Variants in UGT1A8 observed in about 807,000 individuals in gnomAD.
UGT1A8 encodes UDP-glucuronosyltransferase 1A8.
Under a neutral mutation model 45.3 loss-of-function variants are expected in UGT1A8, and 39 were observed. The observed-to-expected ratio is 0.86, with a 90% CI of 0.67 to 1.12. The LOEUF (loss-of-function observed/expected upper bound fraction) is 1.12, where lower values mean the gene tolerates loss of function less well. UGT1A8 is among the 50% of genes most tolerant of loss of function. The pLI is 0.00. For missense variants in UGT1A8, 719 were observed against 664.9 expected (o/e 1.08, Z -0.90); for synonymous variants, 275 against 249.2 (o/e 1.10, Z -0.97).
intron 1 of UGT1A8, chr2:233,713,385 C>G (rs2076315367): frequency 1.2e-6 from 2 of 1,614,134 alleles, no homozygotes; most frequent in African/African-American, 1.3e-5. Context: ...TGTGGAGCTA[C>G]TGCATAATGA....
chr2:233,625,745 C>G (rs1174661194), intron 1 of UGT1A8, among the ~76,000 whole-genome samples: 1 of 151,636 alleles, frequency 6.6e-6, no homozygotes, highest in Non-Finnish European at 1.5e-5. Flanking sequence ...ATAGTGGGTA[C>G]TCATGGGCAT....
intron 1 of UGT1A8, among the ~76,000 whole-genome samples, chr2:233,643,544 CT>C (rs2073516547): frequency 1.3e-5 from 2 of 152,212 alleles, no homozygotes; most frequent in Admixed American, 1.3e-4. Flanking sequence ...CTCTATCCCC[CT>C]GCAGCAGTGT....
At chr2:233,681,168 A>G (rs2074512154) in intron 1 of UGT1A8, among the ~76,000 whole-genome samples, 1 of 151,850 alleles carries the variant, frequency 6.6e-6, no homozygotes, top group African/African-American at 2.4e-5. Context: ...GGTCAACGCT[A>G]AGACCCTTGC....
At chr2:233,693,874 G>A in intron 1 of UGT1A8, 1 of 1,614,164 alleles carries the variant, frequency 6.2e-7, no homozygotes, top group Non-Finnish European at 8.5e-7. Flanking sequence ...AGGTTGGTGG[G>A]TTTATTTCTT....
intron 1 of UGT1A8, among the ~76,000 whole-genome samples, chr2:233,724,109 G>A (rs1321159895): frequency 1.4e-4 from 16 of 113,960 alleles, no homozygotes; most frequent in East Asian, 4.5e-4. Flanking sequence ...AGGGGCGGCC[G>A]GGCAGAGGCG....
At chr2:233,677,045 A>G (rs983914682) in intron 1 of UGT1A8, among the ~76,000 whole-genome samples, 18 of 151,736 alleles carry the variant, frequency 1.2e-4, no homozygotes, top group African/African-American at 4.1e-4. Flanking sequence ...TTGCATTACC[A>G]TATGCATTTT....
At chr2:233,734,371 T>C (rs1011437447) in intron 1 of UGT1A8, among the ~76,000 whole-genome samples, 3 of 152,202 alleles carry the variant, frequency 2.0e-5, no homozygotes, top group Non-Finnish European at 4.4e-5. Flanking sequence ...GGTGGTGATA[T>C]TGCCTTTACT....
At chr2:233,660,596 C>T (rs767259942) in intron 1 of UGT1A8, among the ~76,000 whole-genome samples, 13 of 152,156 alleles carry the variant, frequency 8.5e-5, no homozygotes, top group Non-Finnish European at 1.3e-4. Context: ...CCCTTAAAGG[C>T]TCAAGGATTA....
At chr2:233,767,218 C>T (rs1699339085) in intron 2 of UGT1A8, 53 bp downstream of exon 2, 14 of 1,611,886 alleles carry the variant, frequency 8.7e-6, no homozygotes, top group East Asian at 2.2e-5. Context: ...GAGCGCTAAT[C>T]CCAGACTTCC....
At chr2:233,721,847 C>T in intron 1 of UGT1A8, 2 of 514,910 alleles carry the variant, frequency 3.9e-6, no homozygotes, top group South Asian at 2.8e-5. Context: ...TGTGTCCAGC[C>T]CCACTGCTCG....
chr2:233,724,376 G>C (rs1373227000), intron 1 of UGT1A8, among the ~76,000 whole-genome samples: 7 of 128,064 alleles, frequency 5.5e-5, no homozygotes, highest in African/African-American at 1.5e-4. Flanking sequence ...GGTGGCTGCC[G>C]GGCGGAGACG....
At chr2:233,743,234 A>C (rs17863796) in intron 1 of UGT1A8, 5,154 of 418,520 alleles carry the variant, frequency 0.012, 81 homozygotes, top group South Asian at 0.038. Flanking sequence ...ATTTATTATG[A>C]AGGACTTTAA....
chr2:233,680,398 G>A (rs2074485510), intron 1 of UGT1A8, among the ~76,000 whole-genome samples: 1 of 152,206 alleles, frequency 6.6e-6, no homozygotes. Flanking sequence ...GCAACAGGAG[G>A]TAGCAACAAA....
chr2:233,631,020 G>A (rs1386067745), intron 1 of UGT1A8, among the ~76,000 whole-genome samples: 2 of 151,908 alleles, frequency 1.3e-5, no homozygotes, highest in African/African-American at 2.4e-5. Context: ...GGTGTGTGAT[G>A]TTCCCCTCCC....
intron 1 of UGT1A8, chr2:233,755,329 C>G (rs1159047004): frequency 4.3e-6 from 2 of 468,526 alleles, no homozygotes; most frequent in African/African-American, 2.0e-5. Flanking sequence ...CTGCCAGCAC[C>G]CGCGCACAGG....
chr2:233,701,796 C>T (rs969772505), intron 1 of UGT1A8, among the ~76,000 whole-genome samples: 2 of 152,064 alleles, frequency 1.3e-5, no homozygotes, highest in African/African-American at 2.4e-5. Context: ...TTGAAATCAA[C>T]GAGAACAAAG....
intron 1 of UGT1A8, among the ~76,000 whole-genome samples, chr2:233,740,045 T>C (rs374549434): frequency 3.3e-5 from 5 of 151,842 alleles, no homozygotes; most frequent in African/African-American, 1.2e-4. Context: ...AGGGACTCTT[T>C]CTCCTTTACT....
At chr2:233,647,070 CAAAG>C (rs1261573211) in intron 1 of UGT1A8, among the ~76,000 whole-genome samples, 1 of 152,154 alleles carries the variant, frequency 6.6e-6, no homozygotes, top group Non-Finnish European at 1.5e-5. Context: ...TGGCAGCAGG[CAAAG>C]AAAGAGAGCT....
chr2:233,688,694 G>A (rs997687629), intron 1 of UGT1A8, among the ~76,000 whole-genome samples: 3 of 152,096 alleles, frequency 2.0e-5, no homozygotes, highest in Non-Finnish European at 2.9e-5. Flanking sequence ...AATATTAAAC[G>A]TCCTTCATTG....
Sources: gnomAD v4.1 joint callset for allele counts (sites outside exome capture counted in the v4.1 genomes callset) on GRCh38, gnomAD v4.1.1 for gene constraint, MANE v1.5 for transcripts, NCBI Gene and HGNC (gene_info 2026-07-23, HGNC 2026-07-21) for gene names.